CNGA1: variants seen among roughly 807,000 people sequenced by gnomAD.
The protein encoded by CNGA1 is cyclic nucleotide-gated channel alpha-1.
Under a neutral mutation model 69.7 loss-of-function variants are expected in CNGA1, and 53 were observed. The ratio of observed to expected loss-of-function variants is 0.76; its 90% CI spans 0.61 to 0.96. CNGA1 has a LOEUF of 0.96. Ranked by LOEUF, CNGA1 falls within the 40% of genes least tolerant of loss-of-function variation. The pLI is 0.00. For synonymous variants in CNGA1, 249 were observed against 283.5 expected (o/e 0.88, Z 1.22); for missense variants, 739 against 811.2 (o/e 0.91, Z 1.08).
intron 3 of CNGA1, among the ~76,000 whole-genome samples, chr4:47,976,534 C>T (rs1741429426): frequency 6.6e-6 from 1 of 151,712 alleles, no homozygotes; most frequent in Admixed American, 6.6e-5. Flanking sequence ...ACTTAGAACC[C>T]AGCAAGGGAG....
chr4:47,979,830 C>G (rs1392148193), intron 3 of CNGA1, among the ~76,000 whole-genome samples: 1 of 151,948 alleles, frequency 6.6e-6, no homozygotes, highest in Non-Finnish European at 1.5e-5. Flanking sequence ...AAAAAATTAC[C>G]TCCAAGAAAA....
intron 1 of CNGA1, among the ~76,000 whole-genome samples, chr4:48,013,135 C>G (rs1300376892): frequency 6.6e-6 from 1 of 152,174 alleles, no homozygotes; most frequent in African/African-American, 2.4e-5. Context: ...GGAGGGGGTG[C>G]TCTCAGACCT....
intron 3 of CNGA1, among the ~76,000 whole-genome samples, chr4:47,970,650 T>TA (rs35223454): frequency 0.12 from 16,524 of 141,154 alleles, 1,470 homozygotes; most frequent in East Asian, 0.32. Context: ...AAAACTCCAT[T>TA]AAAAAAAAAA....
chr4:47,975,313 G>T (rs1340852878), intron 3 of CNGA1, among the ~76,000 whole-genome samples: 1 of 152,144 alleles, frequency 6.6e-6, no homozygotes, highest in Non-Finnish European at 1.5e-5. Context: ...GCCACACTTG[G>T]TAAGTCAAAT....
At chr4:47,938,195 A>G (rs1411989280) in intron 10 of CNGA1, among the ~76,000 whole-genome samples, 2 of 151,702 alleles carry the variant, frequency 1.3e-5, no homozygotes, top group Non-Finnish European at 2.9e-5. Flanking sequence ...AAGAAAAAAA[A>G]AGAAAAAAAG....
At chr4:47,953,713 T>A (rs964455029) in intron 3 of CNGA1, among the ~76,000 whole-genome samples, 1 of 152,228 alleles carries the variant, frequency 6.6e-6, no homozygotes, top group African/African-American at 2.4e-5. Flanking sequence ...TCTGAGACTC[T>A]GCCTTCTTCA....
intron 10 of CNGA1, among the ~76,000 whole-genome samples, chr4:47,939,186 C>G (rs1738914674): frequency 6.6e-6 from 1 of 152,166 alleles, no homozygotes; most frequent in Non-Finnish European, 1.5e-5. Context: ...TTACCCCAAC[C>G]TCCTTCATCC....
chr4:47,960,061 A>T (rs12510380), intron 3 of CNGA1, among the ~76,000 whole-genome samples: 79,910 of 151,944 alleles, frequency 0.53, 22,520 homozygotes, highest in Non-Finnish European at 0.63. Context: ...ATGAAATTTT[A>T]TGCAAATCAA....
rs368366464 is a variant in CNGA1 at position 47,995,343 on chromosome 4, T to C, written c.-122-13843A>G. ...AGACTTGTTGGAGGCTTTGTTCATA[T>C]TTTCTTATTCTTTTTTGTCTTTGTT... On this transcript the variant is annotated intron_variant, in intron 2 of 10. Transcript: ENST00000514170. Among the ~76,000 whole-genome samples, 127 of 152,254 alleles carry C rather than the reference T, an allele frequency of 8.3e-4. 2 individuals are homozygous for C. The highest frequency in any genetic ancestry group is 3.4e-3 in the Middle Eastern group (1 of 294).
At chr4:47,974,189 ATATT>A (rs1303124114) in intron 3 of CNGA1, among the ~76,000 whole-genome samples, 2 of 95,766 alleles carry the variant, frequency 2.1e-5, no homozygotes, top group African/African-American at 9.6e-5. Flanking sequence ...TTGTGAAGTA[ATATT>A]TATAGTATCA....
chr4:47,950,621 T>C (rs76018335), intron 5 of CNGA1, among the ~76,000 whole-genome samples: 1 of 151,068 alleles, frequency 6.6e-6, no homozygotes, highest in Non-Finnish European at 1.5e-5. Flanking sequence ...ATAAAAACAA[T>C]GGGAAGGCTG....
At chr4:47,995,806 G>A (rs1289103251) in intron 2 of CNGA1, among the ~76,000 whole-genome samples, 1 of 152,130 alleles carries the variant, frequency 6.6e-6, no homozygotes, top group African/African-American at 2.4e-5. Context: ...GCTGAAGGCT[G>A]TTGTTCAGAT....
intron 2 of CNGA1, among the ~76,000 whole-genome samples, chr4:48,000,743 G>A (rs879113232): frequency 6.6e-6 from 1 of 151,200 alleles, no homozygotes; most frequent in East Asian, 2.0e-4. Flanking sequence ...GGGGGAAGCG[G>A]GGGGGTGGGA....
intron 10 of CNGA1, among the ~76,000 whole-genome samples, chr4:47,940,153 AG>A (rs1224384423): frequency 7.9e-5 from 12 of 152,208 alleles, no homozygotes; most frequent in Admixed American, 5.9e-4. Flanking sequence ...CAAATATGAC[AG>A]GGCATTGTTC....
At chr4:47,946,386 T>C (rs1739399077) in intron 6 of CNGA1, among the ~76,000 whole-genome samples, 1 of 152,218 alleles carries the variant, frequency 6.6e-6, no homozygotes, top group Non-Finnish European at 1.5e-5. Flanking sequence ...TCATTTTTCA[T>C]TACTATCAGG....
At chr4:47,990,470 C>T (rs1301474757) in intron 2 of CNGA1, among the ~76,000 whole-genome samples, 1 of 152,124 alleles carries the variant, frequency 6.6e-6, no homozygotes, top group African/African-American at 2.4e-5. Context: ...CAGTTCTCTG[C>T]TTTCGAACCC....
In CNGA1 at chr4:47,940,830, A is replaced by G. The variant is rs2110137155; in HGVS notation, c.585T>C (p.Tyr195=). Residue 195 remains tyrosine (Y), a synonymous_variant, in exon 10 of 11, where the codon TAT becomes TAC. Transcript: ENST00000514170. ...CTGATACGTAATCCAAAATGAGCCA[A>G]TATTCTAGGTAATCAGATTGAAGTT... ...FDELQSDYLE[Y]WLILDYVSDI... 6.2e-7 allele frequency: 1 copy of G among 1,612,518 alleles called. No homozygotes were observed. Among genetic ancestry groups the G allele is most frequent in the Non-Finnish European group, 8.5e-7 (1 of 1,178,750 alleles).
chr4:48,007,669 T>TA (rs34214654), intron 2 of CNGA1, among the ~76,000 whole-genome samples: 27 of 151,460 alleles, frequency 1.8e-4, no homozygotes, highest in Admixed American at 1.7e-3. Flanking sequence ...AACCTTAACT[T>TA]AAAAAAAAAA....
chr4:47,954,518 G>A (rs1320219385), intron 3 of CNGA1, among the ~76,000 whole-genome samples: 1 of 152,196 alleles, frequency 6.6e-6, no homozygotes, highest in African/African-American at 2.4e-5. Flanking sequence ...CACCCCTGCC[G>A]CACGTCCTGC....
Sources: gnomAD v4.1 joint callset for allele counts (sites outside exome capture counted in the v4.1 genomes callset) on GRCh38, gnomAD v4.1.1 for gene constraint, MANE v1.5 for transcripts, NCBI Gene and HGNC (gene_info 2026-07-23, HGNC 2026-07-21) for gene names.